The following RORA variants were observed in gnomAD, a reference collection of about 807,000 sequenced individuals.
RORA encodes the protein nuclear receptor ROR-alpha.
In RORA, 7 loss-of-function variants were observed where a neutral mutation model predicts 69.5. That is an observed-to-expected ratio of 0.10 (90% confidence interval 0.06 to 0.19). RORA has a LOEUF of 0.19. Ranked by LOEUF, RORA falls within the 10% of genes least tolerant of loss-of-function variation. RORA has a pLI of 1.00. For synonymous variants in RORA, 261 were observed against 240.8 expected, an observed-to-expected ratio of 1.08 and a Z score of -0.78; for missense variants, 457 against 663.0, an observed-to-expected ratio of 0.69 and a Z score of 3.41.
At chr15:60,523,820 T>C (rs1193213915) in intron 3 of RORA, among the ~76,000 whole-genome samples, 3 of 152,218 alleles carry the variant, frequency 2.0e-5, no homozygotes, top group Admixed American at 1.3e-4. Flanking sequence ...CACAGGTGTA[T>C]GCCATCATGC....
rs147004755 is a variant in RORA at position 61,088,758 on chromosome 15, C to G, written c.166+140295G>C. Among the ~76,000 whole-genome samples, 176 of 152,256 alleles carry G rather than the reference C, an allele frequency of 1.2e-3. 2 individuals are homozygous for G. The Middle Eastern group carries it at 0.014, about 12-fold the overall frequency. ...AGGGAAGAAAAACACTCATTCTGTA[C>G]AGCAAGAAAAGGTCTTCCATTTTCT... is the stretch of plus-strand genomic sequence containing the variant. On this transcript the variant is annotated intron_variant, in intron 1 of 10. Transcript: ENST00000335670.
At chr15:60,750,957 C>T (rs147672456) in intron 1 of RORA, among the ~76,000 whole-genome samples, 384 of 152,236 alleles carry the variant, frequency 2.5e-3, no homozygotes, top group Non-Finnish European at 4.5e-3. Context: ...CGTTACCCCA[C>T]GGTAAAAGGA....
At chr15:60,923,639 T>C (rs1892115355) in intron 1 of RORA, among the ~76,000 whole-genome samples, 1 of 152,246 alleles carries the variant, frequency 6.6e-6, no homozygotes, top group Admixed American at 6.5e-5. Flanking sequence ...GCTGTGTTGA[T>C]CCACCTAGTG....
At chr15:60,941,440 C>T (rs2140323438) in intron 1 of RORA, among the ~76,000 whole-genome samples, 2 of 152,348 alleles carry the variant, frequency 1.3e-5, no homozygotes, top group East Asian at 3.9e-4. Context: ...TCTGGCTTGT[C>T]CCAATGTCAT....
At chr15:61,060,362 G>A (rs182586457) in intron 1 of RORA, among the ~76,000 whole-genome samples, 1 of 152,246 alleles carries the variant, frequency 6.6e-6, no homozygotes, top group East Asian at 1.9e-4. Flanking sequence ...GCTCCTGGGA[G>A]AGTTAATGCA....
chr15:60,639,087 C>T (rs1029629165), intron 2 of RORA, among the ~76,000 whole-genome samples: 3 of 152,122 alleles, frequency 2.0e-5, no homozygotes, highest in Non-Finnish European at 4.4e-5. Context: ...CAGTGATGGG[C>T]AGTCTCTGTG....
At chr15:61,118,608 G>A (rs2079071543) in intron 1 of RORA, among the ~76,000 whole-genome samples, 1 of 152,050 alleles carries the variant, frequency 6.6e-6, no homozygotes, top group Admixed American at 6.6e-5. Flanking sequence ...AAGATGGCTA[G>A]GGGAAAGAGA....
intron 1 of RORA, among the ~76,000 whole-genome samples, chr15:60,730,514 G>T (rs1433178343): frequency 1.3e-5 from 2 of 152,144 alleles, no homozygotes; most frequent in Non-Finnish European, 2.9e-5. Flanking sequence ...ACAAATCAAA[G>T]GAGCTTTTCA....
At chr15:61,217,872 T>C (rs983808244) in intron 1 of RORA, among the ~76,000 whole-genome samples, 1 of 152,186 alleles carries the variant, frequency 6.6e-6, no homozygotes, top group African/African-American at 2.4e-5. Flanking sequence ...TACTGTATGA[T>C]TATAAATAAT....
intron 1 of RORA, among the ~76,000 whole-genome samples, chr15:61,220,060 C>G (rs2080080318): frequency 1.3e-5 from 2 of 152,210 alleles, no homozygotes; most frequent in South Asian, 4.1e-4. Flanking sequence ...TGCCCGGGTT[C>G]CCACTTTCTG....
At chr15:60,906,632 A>G (rs536937239) in intron 1 of RORA, among the ~76,000 whole-genome samples, 147 of 152,286 alleles carry the variant, frequency 9.7e-4, no homozygotes, top group Non-Finnish European at 1.5e-3. Context: ...AGACTGTATC[A>G]GAGGCAAACA....
At chr15:60,856,469 C>T (rs115516850) in intron 1 of RORA, among the ~76,000 whole-genome samples, 1 of 142,382 alleles carries the variant, frequency 7.0e-6, no homozygotes, top group East Asian at 2.1e-4. Context: ...AGATCCATCA[C>T]GATTTTAAAG....
At chr15:60,540,568 C>A (rs547891488) in intron 2 of RORA, among the ~76,000 whole-genome samples, 1 of 55,804 alleles carries the variant, frequency 1.8e-5, no homozygotes, top group Non-Finnish European at 4.5e-5. Context: ...TCCATGACCC[C>A]CCCCCCCCAA....
intron 2 of RORA, among the ~76,000 whole-genome samples, chr15:60,578,277 A>G (rs1018213212): frequency 6.6e-6 from 1 of 152,194 alleles, no homozygotes; most frequent in African/African-American, 2.4e-5. Flanking sequence ...ATTTTGACAC[A>G]TTTCATTATT....
In RORA at chr15:60,496,870, C is replaced by G. The variant is rs944764765; in HGVS notation, c.*585G>C. The G allele has an allele frequency of 1.3e-5, 2 of 152,214 alleles. No homozygotes were observed. The highest frequency in any genetic ancestry group is 2.9e-5 in the Non-Finnish European group (2 of 68,044). The allele number at this position is 152,214 out of a possible 1,614,324, so 9.4% of individuals were successfully genotyped here. ...TATATTACTTAAAACAATATATAAACAATATCTCTTTTAGCTATATATAGT... is the reference window on the plus strand; with the variant it reads ...TATATTACTTAAAACAATATATAAAGAATATCTCTTTTAGCTATATATAGT... On this transcript the variant is annotated 3_prime_UTR_variant, in exon 11 of 11. Coordinates refer to ENST00000335670, the MANE Select transcript of RORA (RefSeq NM_134261.3). The surrounding 1 kb of genome is among the most constrained non-coding windows in gnomAD (Gnocchi z 4.5).
chr15:60,760,079 T>C (rs1034748470), intron 1 of RORA, among the ~76,000 whole-genome samples: 2 of 152,178 alleles, frequency 1.3e-5, no homozygotes, highest in African/African-American at 4.8e-5. Context: ...AAGTTCAATT[T>C]GTATGTGTGT....
intron 1 of RORA, among the ~76,000 whole-genome samples, chr15:60,945,709 T>C (rs547678638): frequency 4.2e-4 from 64 of 152,288 alleles, no homozygotes; most frequent in Admixed American, 1.2e-3. Flanking sequence ...AGGGGCACTT[T>C]TTTGGCAAAC....
At chr15:61,215,826 T>A in intron 1 of RORA, among the ~76,000 whole-genome samples, 1 of 152,234 alleles carries the variant, frequency 6.6e-6, no homozygotes, top group East Asian at 1.9e-4. Flanking sequence ...TGCATGTGTG[T>A]GTATCACTCA....
At chr15:60,683,437 T>C (rs922841288) in intron 1 of RORA, among the ~76,000 whole-genome samples, 1 of 152,142 alleles carries the variant, frequency 6.6e-6, no homozygotes, top group Non-Finnish European at 1.5e-5. Flanking sequence ...CTGTAAGAAA[T>C]CCAATGTGGC....
Sources: allele counts gnomAD v4.1 joint callset (sites outside exome capture counted in the v4.1 genomes callset), GRCh38; gene constraint gnomAD v4.1.1; non-coding constraint Gnocchi (gnomAD v3.1); transcripts MANE v1.5; gene names NCBI Gene and HGNC (gene_info 2026-07-23, HGNC 2026-07-21).